Variants in KIF13A observed in about 807,000 individuals in gnomAD.
KIF13A encodes kinesin family member 13A.
KIF13A carries 79 observed loss-of-function variants against 212.2 expected under a neutral mutation model. The observed-to-expected ratio is 0.37, with a 90% confidence interval of 0.31 to 0.45. The LOEUF is 0.45. Among genes scored for constraint, KIF13A ranks in the 20% least tolerant of loss-of-function variants. The pLI is 1.00. For synonymous variants in KIF13A, 789 were observed against 808.6 expected, an observed-to-expected ratio of 0.98 and a Z score of 0.41; for missense variants, 1,901 against 2,209.0, an observed-to-expected ratio of 0.86 and a Z score of 2.79.
At chr6:17,823,499 G>A (rs767023750) in intron 16 of KIF13A, among the ~76,000 whole-genome samples, 1 of 135,326 alleles carries the variant, frequency 7.4e-6, no homozygotes, top group African/African-American at 2.8e-5. Context: ...ACAGACTCTC[G>A]CTCTGTTGCT....
chr6:17,844,148 C>A (rs908636285), intron 9 of KIF13A, among the ~76,000 whole-genome samples: 2 of 151,974 alleles, frequency 1.3e-5, no homozygotes, highest in African/African-American at 4.8e-5. Context: ...AGTCCTCACT[C>A]TTAACAGTAA....
chr6:17,852,774 C>G (rs998093321), intron 6 of KIF13A, among the ~76,000 whole-genome samples: 1 of 152,186 alleles, frequency 6.6e-6, no homozygotes, highest in Admixed American at 6.5e-5. Context: ...TACTTCAAGT[C>G]TGCATTGGTT....
At position 17,825,221 on chromosome 6, in the gene KIF13A, G is replaced by T. The variant is rs1764862364; in HGVS notation, c.1786+547C>A. On this transcript the variant is annotated intron_variant, in intron 16 of 38. Transcript: ENST00000259711. This position sits in a 1 kb window ranked among gnomAD's most constrained non-coding sequence, Gnocchi z 4.5. ...GGTAAAGGAACACGGACTTTTAGAT[G>T]TGAAACTTGGTATAAGTCAAATAAA... Among the ~76,000 whole-genome samples, 1 of 152,172 alleles carries T rather than the reference G, an allele frequency of 6.6e-6. No homozygotes were observed. Among genetic ancestry groups the T allele is most frequent in the Non-Finnish European group, 1.5e-5 (1 of 68,038 alleles).
Position 17,886,439 on chromosome 6 carries a change from G to A in KIF13A, c.159+11729C>T, listed in dbSNP as rs989288792. On this transcript the variant is annotated intron_variant, in intron 3 of 38. Transcript: ENST00000259711. This position sits in a 1 kb window ranked among gnomAD's most constrained non-coding sequence, Gnocchi z 5.6. ...ACTGATGAAGAGTTCACACTGCTGC[G>A]GCTGACTCGGGCCAAGTGGGAGCCA... 2.6e-5 allele frequency among the ~76,000 whole-genome samples: 4 copies of A among 152,300 alleles called. No homozygotes were observed. The highest frequency in any genetic ancestry group is 7.2e-5 in the African/African-American group (3 of 41,558).
At chr6:17,810,313 C>A (rs1763322784) in intron 17 of KIF13A, among the ~76,000 whole-genome samples, 1 of 152,240 alleles carries the variant, frequency 6.6e-6, no homozygotes, top group African/African-American at 2.4e-5. Flanking sequence ...CAAGCCCTGC[C>A]TTCCTCAGGC....
chr6:17,838,633 C>T lies in KIF13A; in HGVS notation c.831-1050G>A, dbSNP rs912696077. On this transcript the variant is annotated intron_variant, in intron 9 of 38. Coordinates refer to ENST00000259711, the MANE Select transcript of KIF13A (RefSeq NM_022113.6). This position sits in a 1 kb window ranked among gnomAD's most constrained non-coding sequence, Gnocchi z 4.2. ...GTACATCATCTTAAGTGAAACAAGT[C>T]AAAAAAATTAAAATAAAAATATATA... 6.6e-6 allele frequency among the ~76,000 whole-genome samples: 1 copy of T among 151,776 alleles called. No homozygotes were observed. Among genetic ancestry groups the T allele is most frequent in the Admixed American group, 6.6e-5 (1 of 15,220 alleles).
At position 17,838,800 on chromosome 6, in the gene KIF13A, T is replaced by A. The variant is rs11965730; in HGVS notation, c.831-1217A>T. On this transcript the variant is annotated intron_variant, in intron 9 of 38. Coordinates refer to ENST00000259711, the MANE Select transcript of KIF13A (RefSeq NM_022113.6). The surrounding 1 kb of genome is among the most constrained non-coding windows in gnomAD (Gnocchi z 4.2). The stretch of plus-strand genomic sequence containing the variant: ...GGTGAGGGAGTGGAAGGGGAGAGGA[T>A]GACGAGCTTATTTTTTTGTTTGTTT... Among the ~76,000 whole-genome samples, 5,350 of 152,062 alleles carry A rather than the reference T, an allele frequency of 0.035. 329 individuals carry two copies. The highest frequency in any genetic ancestry group is 0.12 in the African/African-American group (5,092 of 41,478).
chr6:17,927,704 G>C (rs181475101), intron 2 of KIF13A, among the ~76,000 whole-genome samples: 1 of 152,302 alleles, frequency 6.6e-6, no homozygotes, highest in Non-Finnish European at 1.5e-5. Flanking sequence ...ATATGAATCA[G>C]AGTACAATTA....
At chr6:17,941,041 T>A (rs1581796460) in intron 2 of KIF13A, among the ~76,000 whole-genome samples, 1 of 152,110 alleles carries the variant, frequency 6.6e-6, no homozygotes, top group Non-Finnish European at 1.5e-5. Flanking sequence ...ATCAGGCTGG[T>A]CTCGAACTCC....
rs559760233 is a variant in KIF13A, at chr6:17,982,318, G to A, written c.146+4736C>T. On this transcript the variant is annotated intron_variant, in intron 2 of 38. Coordinates refer to ENST00000259711, the MANE Select transcript of KIF13A (RefSeq NM_022113.6). The surrounding 1 kb of genome is among the most constrained non-coding windows in gnomAD (Gnocchi z 5.1). Reference sequence around the variant, plus strand: ...TCACCATGTTGGCCAGGCTGGTCTCGAACTCCTGACCTCAGGTGATCTGCC... The same window carrying A: ...TCACCATGTTGGCCAGGCTGGTCTCAAACTCCTGACCTCAGGTGATCTGCC... 2.0e-4 allele frequency: 83 copies of A among 406,716 alleles called. No homozygotes were observed. Among genetic ancestry groups the A allele is most frequent in the South Asian group, 3.1e-4 (3 of 9,630 alleles). The allele number at this position is 406,716 out of a possible 1,614,324, so 25.2% of individuals were successfully genotyped here. A position where few individuals can be genotyped will look rare whatever the true frequency, so the allele number is the denominator to read the frequency against.
intron 2 of KIF13A, among the ~76,000 whole-genome samples, chr6:17,957,926 T>C (rs1440578444): frequency 1.3e-5 from 2 of 152,182 alleles, no homozygotes; most frequent in Non-Finnish European, 2.9e-5. Flanking sequence ...GACAATGACT[T>C]CACATACTTT....
chr6:17,836,862 A>C lies in KIF13A; in HGVS notation c.1155+16T>G, dbSNP rs761245595. 28 of 1,609,768 alleles carry C rather than the reference A, an allele frequency of 1.7e-5. 3 individuals carry two copies. In the South Asian group the frequency reaches 3.0e-4, roughly 17 times the overall value. ...CCAGGGAACTTTACCAGCAGGGAGT[A>C]CCAGGCTGCTTTTACCTCTGCCTGA... On this transcript the variant is annotated intron_variant, in intron 11 of 38. Transcript: ENST00000259711.
At position 17,934,398 on chromosome 6, in the gene KIF13A, G is replaced by A. The variant is rs1038787581; in HGVS notation, c.147-36218C>T. ...ATTAGGAACTTTCAACTCTCCCTAT[G>A]CTACATGCTCCCAAAGCTAAAAAGC... On this transcript the variant is annotated intron_variant, in intron 2 of 38. Transcript: ENST00000259711. The surrounding 1 kb of genome is among the most constrained non-coding windows in gnomAD (Gnocchi z 5.4). Among the ~76,000 whole-genome samples, 3 of 152,118 alleles carry A rather than the reference G, an allele frequency of 2.0e-5. No homozygotes were observed. The highest frequency in any genetic ancestry group is 2.9e-5 in the Non-Finnish European group (2 of 68,034).
intron 25 of KIF13A, among the ~76,000 whole-genome samples, chr6:17,791,840 C>A (rs1352363260): frequency 2.8e-5 from 4 of 143,760 alleles, no homozygotes; most frequent in Non-Finnish European, 6.0e-5. Context: ...ATGGAAGATG[C>A]AGTGAGCCGA....
intron 16 of KIF13A, among the ~76,000 whole-genome samples, chr6:17,820,725 G>A (rs924362588): frequency 1.3e-5 from 2 of 152,150 alleles, no homozygotes; most frequent in South Asian, 2.1e-4. Context: ...AAAGGACCAC[G>A]TTTACTTTGG....
At chr6:17,879,813 A>C (rs1479798566) in intron 3 of KIF13A, among the ~76,000 whole-genome samples, 2 of 152,220 alleles carry the variant, frequency 1.3e-5, no homozygotes, top group African/African-American at 4.8e-5. Context: ...TATATGAATA[A>C]CACAAGGTTT....
rs1204847176 is a variant in KIF13A at position 17,811,957 on chromosome 6, G to A, written c.2001-3027C>T. 3 of 152,076 alleles carry A rather than the reference G, an allele frequency of 2.0e-5. No individual in the cohort carries two copies. Among genetic ancestry groups the A allele is most frequent in the African/African-American group, 7.2e-5 (3 of 41,400 alleles). 9.4% of individuals were successfully genotyped at this position (152,076 alleles called of 1,614,324 possible). On this transcript the variant is annotated intron_variant, in intron 17 of 38. Transcript: ENST00000259711. This position sits in a 1 kb window ranked among gnomAD's most constrained non-coding sequence, Gnocchi z 6.0. ...GTGCACTACAGCTTGAAACTCCTGG[G>A]CGCAGGTGATCCTCCTGCCTCAGCC...
At chr6:17,804,811 T>TAAAAAAAAAAAAAAAAAAAAA (rs56785510) in intron 19 of KIF13A, among the ~76,000 whole-genome samples, 1 of 23,294 alleles carries the variant, frequency 4.3e-5, no homozygotes, top group African/African-American at 1.1e-4. Flanking sequence ...CTGTCTCCAT[T>TAAAAAAAAAAAAAAAAAAAAA]AAAAAAAAAA....
chr6:17,838,826 G>GT lies in KIF13A; in HGVS notation c.831-1244dup, dbSNP rs1766234477. Among the ~76,000 whole-genome samples the GT allele has an allele frequency of 6.6e-6, 1 of 151,914 alleles. No individual in the cohort carries two copies. Among genetic ancestry groups the GT allele is most frequent in the African/African-American group, 2.4e-5 (1 of 41,388 alleles). The stretch of plus-strand genomic sequence containing the variant: ...GACGAGCTTATTTTTTTGTTTGTTT[G>GT]TTTTTTGAGATGGAATCTCGCTCTG... On this transcript the variant is annotated intron_variant, in intron 9 of 38. Transcript: ENST00000259711. This position sits in a 1 kb window ranked among gnomAD's most constrained non-coding sequence, Gnocchi z 4.2.
Sources: allele counts gnomAD v4.1 joint callset (sites outside exome capture counted in the v4.1 genomes callset), GRCh38; gene constraint gnomAD v4.1.1; non-coding constraint Gnocchi (gnomAD v3.1); transcripts MANE v1.5; gene names NCBI Gene and HGNC (gene_info 2026-07-23, HGNC 2026-07-21).